The following TSC2 variants were observed in gnomAD, a reference collection of about 807,000 sequenced individuals.
TSC2 encodes tuberin.
A neutral mutation model predicts 202.2 loss-of-function variants in TSC2; 29 were observed. The ratio of observed to expected loss-of-function variants is 0.14; its 90% CI spans 0.11 to 0.20. TSC2 has a LOEUF of 0.20. Ranked by LOEUF, TSC2 falls within the 10% of genes least tolerant of loss-of-function variation. The pLI, the probability that TSC2 is intolerant of heterozygous loss-of-function variation, is 1.00. For missense variants in TSC2, 2,429 were observed against 2,420.0 expected, an observed-to-expected ratio of 1.00 and a Z score of -0.08; for synonymous variants, 1,349 against 1,044.0, an observed-to-expected ratio of 1.29 and a Z score of -5.63.
intron 30 of TSC2, chr16:2,080,744 A>G (rs935935807): frequency 1.8e-5 from 5 of 273,496 alleles, no homozygotes; most frequent in Non-Finnish European, 2.9e-5. Flanking sequence ...TTGGCCTCCC[A>G]AAGTGCTGGG....
In TSC2 at chr16:2,060,757, G is replaced by T; in HGVS notation, c.1063G>T (p.Val355Leu). ...CAAGAAGTATAGGAAGGAGCTCCAG[G>T]TGGTGGCGTGGGACATTCTGCTGAA... ...LIKKYRKELQ[V>L]VAWDILLNII... Residue 355 changes from valine (V) to leucine (L), a missense_variant, in exon 11 of 42, where the codon GTG (valine) becomes TTG (leucine). Coordinates refer to ENST00000219476, the MANE Select transcript of TSC2 (RefSeq NM_000548.5). The T allele has an allele frequency of 6.2e-7, 1 of 1,614,022 alleles. No homozygotes were observed. Among genetic ancestry groups the T allele is most frequent in the Non-Finnish European group, 8.5e-7 (1 of 1,179,946 alleles).
chr16:2,082,368 G>C, intron 31 of TSC2, 68 bp from the exon 32 acceptor site: 1 of 1,570,784 alleles, frequency 6.4e-7, no homozygotes, highest in South Asian at 1.1e-5. Flanking sequence ...CGGGGCCTGT[G>C]CTCTCTGCTC....
At chr16:2,071,290 G>T (rs182193798) in intron 17 of TSC2, 3 of 615,836 alleles carry the variant, frequency 4.9e-6, no homozygotes, top group East Asian at 2.8e-5. Context: ...ACCAGGCTCT[G>T]TGAGCTCCGA....
At chr16:2,084,759 C>T (rs759939211) in intron 34 of TSC2, 44 bp downstream of exon 34, 13 of 1,598,244 alleles carry the variant, frequency 8.1e-6, no homozygotes, top group East Asian at 6.7e-5. Flanking sequence ...ACCTCTCCTG[C>T]GGGAACCTGG....
intron 20 of TSC2, 161 bp from the exon 21 acceptor site, chr16:2,072,688 C>A (rs995103047): frequency 1.7e-6 from 2 of 1,207,110 alleles, no homozygotes; most frequent in African/African-American, 3.0e-5. Context: ...GGCACTCCCA[C>A]CACTCCGAAA....
At chr16:2,058,598 T>C (rs1296159152) in intron 9 of TSC2, 149 bp from the exon 10 acceptor site, 12 of 1,232,646 alleles carry the variant, frequency 9.7e-6, no homozygotes, top group African/African-American at 3.0e-5. Flanking sequence ...CTGGCCTCTG[T>C]TCCCTGCCCT....
Position 2,064,286 on chromosome 16 carries a change from C to T in TSC2, c.1458C>T (p.Asn486=), listed in dbSNP as rs200532154. 6 of 1,613,842 alleles carry T rather than the reference C, an allele frequency of 3.7e-6. No homozygotes were observed. In the African/African-American group the frequency reaches 8.0e-5, roughly 22 times the overall value. ...TGCCTGTGCAGGAGGAGCTGATTAA[C>T]TCAGTGGTCATCTCGCAGCTCTCCC... The part of the protein sequence containing the change: ...NRQFYEEELI[N]SVVISQLSHI... The change falls in exon 15 of 42, where the codon AAC becomes AAT. Residue 486 remains asparagine (N), a synonymous_variant. Transcript: ENST00000219476.
In TSC2 at chr16:2,084,565, G is replaced by A. The variant is rs776137955; in HGVS notation, c.4343G>A (p.Ser1448Asn). Residue 1448 changes from serine to asparagine, a missense_variant, in exon 34 of 42, where the codon AGC becomes AAC. Ser to Asn is a conservative substitution (Grantham distance 46). Coordinates refer to ENST00000219476, the MANE Select transcript of TSC2 (RefSeq NM_000548.5). Reference sequence around the variant, plus strand: ...CAGCCCGAGGGTCCCTTGCCTTCCAGCTCCCCCCGCTCGCCCAGTGGCCTC... The same window carrying A: ...CAGCCCGAGGGTCCCTTGCCTTCCAACTCCCCCCGCTCGCCCAGTGGCCTC... ...RGQPEGPLPS[S>N]SPRSPSGLRP... 4 of 1,607,892 alleles carry A rather than the reference G, an allele frequency of 2.5e-6. No individual in the cohort carries two copies. The highest frequency in any genetic ancestry group is 2.2e-5 in the South Asian group (2 of 90,998).
At position 2,081,357 on chromosome 16, in the gene TSC2, G is replaced by C; in HGVS notation, c.3611-238G>C. 4 of 588,776 alleles carry C rather than the reference G, an allele frequency of 6.8e-6. No homozygotes were observed. The Admixed American group carries it at 8.2e-5, about 12-fold the overall frequency. 36.5% of individuals were successfully genotyped at this position (588,776 alleles called of 1,614,324 possible). On this transcript the variant is annotated intron_variant, in intron 30 of 41. Coordinates refer to ENST00000219476, the MANE Select transcript of TSC2 (RefSeq NM_000548.5). ...GGCCTTGGGTCCGGACTGTGAGGCTGTGGGCTGGAGGCCGCTGCTCTGAGG... is the reference window on the plus strand; with the variant it reads ...GGCCTTGGGTCCGGACTGTGAGGCTCTGGGCTGGAGGCCGCTGCTCTGAGG...
At chr16:2,049,671 CA>C (rs2084847654) in intron 2 of TSC2, among the ~76,000 whole-genome samples, 1 of 151,418 alleles carries the variant, frequency 6.6e-6, no homozygotes, top group South Asian at 2.1e-4. Flanking sequence ...CTAAAAATAC[CA>C]AAAATTAGCC....
chr16:2,068,896 A>G (rs933654481), intron 16 of TSC2: 2 of 142,042 alleles, frequency 1.4e-5, no homozygotes, highest in Non-Finnish European at 3.1e-5. Flanking sequence ...AAAAAAAATC[A>G]TAAGGAAGCG....
intron 16 of TSC2, among the ~76,000 whole-genome samples, chr16:2,067,656 G>A (rs1303652792): frequency 6.6e-6 from 1 of 152,212 alleles, no homozygotes. Flanking sequence ...TGTAGTCCCA[G>A]CTACTCGGGA....
At chr16:2,066,446 C>G (rs1163241921) in intron 16 of TSC2, 1 of 152,274 alleles carries the variant, frequency 6.6e-6, no homozygotes, top group Non-Finnish European at 1.5e-5. Context: ...CGCCTTGCAG[C>G]TGCGGTGAGT....
At position 2,069,426 on chromosome 16, in the gene TSC2, C is replaced by T. The variant is rs916545581; in HGVS notation, c.1717-1030C>T. 2.6e-5 allele frequency among the ~76,000 whole-genome samples: 4 copies of T among 152,092 alleles called. No individual in the cohort carries two copies. The South Asian group carries it at 8.3e-4, about 32-fold the overall frequency. On this transcript the variant is annotated intron_variant, in intron 16 of 41. Coordinates refer to ENST00000219476, the MANE Select transcript of TSC2 (RefSeq NM_000548.5). ...CCGCCTCCTGGGTTCAAGCGATTCT[C>T]CTGCCTCAGTCTCCTGAGTAGCTGG...
intron 2 of TSC2, among the ~76,000 whole-genome samples, chr16:2,049,166 A>G (rs1333535696): frequency 1.3e-5 from 2 of 151,760 alleles, no homozygotes; most frequent in East Asian, 3.9e-4. Flanking sequence ...GCTCGCTGCT[A>G]CCTCTGCCTC....
At chr16:2,072,683 T>A in intron 20 of TSC2, 166 bp from the exon 21 acceptor site, 1 of 1,150,250 alleles carries the variant, frequency 8.7e-7, no homozygotes, top group South Asian at 1.4e-5. Flanking sequence ...TGGCAGGCAC[T>A]CCCACCACTC....
intron 22 of TSC2, 62 bp downstream of exon 22, chr16:2,074,451 C>T (rs1434042067): frequency 6.3e-7 from 1 of 1,586,594 alleles, no homozygotes; most frequent in Non-Finnish European, 8.5e-7. Flanking sequence ...CCTGTGCGGG[C>T]TTCTCTGGTG....
intron 17 of TSC2, 88 bp from the exon 18 acceptor site, chr16:2,071,422 G>C: frequency 1.4e-6 from 2 of 1,386,928 alleles, no homozygotes; most frequent in Non-Finnish European, 2.0e-6. Flanking sequence ...TGCCTGTGGT[G>C]CTGGACGTGG....
At chr16:2,087,023 C>T in intron 38 of TSC2, 152 bp downstream of exon 38, 1 of 1,207,534 alleles carries the variant, frequency 8.3e-7, no homozygotes, top group South Asian at 1.4e-5. Flanking sequence ...GAGCTTCACC[C>T]CGAGCCTGCG....
Sources: allele counts gnomAD v4.1 joint callset (sites outside exome capture counted in the v4.1 genomes callset), GRCh38; gene constraint gnomAD v4.1.1; transcripts MANE v1.5; gene names NCBI Gene and HGNC (gene_info 2026-07-23, HGNC 2026-07-21).